SCYL3: variants seen among roughly 807,000 people sequenced by gnomAD.
SCYL3 encodes protein-associating with the carboxyl-terminal domain of ezrin.
In SCYL3, 35 loss-of-function variants were observed where a neutral mutation model predicts 73.8. The ratio of observed to expected loss-of-function variants is 0.47; its 90% CI spans 0.36 to 0.63. The LOEUF is 0.63. Ranked by LOEUF, SCYL3 falls within the 20% of genes least tolerant of loss-of-function variation. The pLI, the probability that SCYL3 is intolerant of heterozygous loss-of-function variation, is 0.00. For synonymous variants in SCYL3, 277 were observed against 295.2 expected, an observed-to-expected ratio of 0.94 and a Z score of 0.63; for missense variants, 712 against 798.9, an observed-to-expected ratio of 0.89 and a Z score of 1.31.
In SCYL3 at chr1:169,849,666, A is replaced by G; in HGVS notation, c.*4047T>C. On this transcript the variant is annotated 3_prime_UTR_variant, in exon 13 of 13. Transcript: ENST00000367771. ...ACCATTTTAATATTTCAAATATTCC[A>G]GAACAATCCCAAAACATTTATTGAA... is the stretch of plus-strand genomic sequence containing the variant. 1 of 1,308,068 alleles carries G rather than the reference A, an allele frequency of 7.6e-7. No homozygotes were observed. Among genetic ancestry groups the G allele is most frequent in the Non-Finnish European group, 1.1e-6 (1 of 910,720 alleles). The allele number at this position is 1,308,068 out of a possible 1,614,324, so 81.0% of individuals were successfully genotyped here.
At position 169,888,672 on chromosome 1, in the gene SCYL3, G is replaced by C. The variant is rs754304601; in HGVS notation, c.165+4C>G. The C allele has an allele frequency of 6.2e-7, 1 of 1,611,860 alleles. No individual in the cohort carries two copies. The highest frequency in any genetic ancestry group is 8.5e-7 in the Non-Finnish European group (1 of 1,178,508). On this transcript the variant is annotated splice_donor_region_variant and intron_variant, in intron 2 of 12. Transcript: ENST00000367771. ...AACTATTAAGTCGTCACCTATTATG[G>C]TACCTTGGCAGCTTTATTAACCTTG... is the stretch of plus-strand genomic sequence containing the variant.
rs184181855 is a variant in SCYL3 at position 169,858,434 on chromosome 1, T to C, written c.1312+607A>G. On this transcript the variant is annotated intron_variant, in intron 11 of 12. Transcript: ENST00000367771. ...CATGTCCTCTGATAACAATGCCTTC[T>C]TCTGGAATACCTCCTGAAGGACCCC... Among the ~76,000 whole-genome samples, 75 of 152,338 alleles carry C rather than the reference T, an allele frequency of 4.9e-4. 1 individual carries two copies. In the East Asian group the frequency reaches 0.013, roughly 27 times the overall value.
At position 169,850,224 on chromosome 1, in the gene SCYL3, T is replaced by A; in HGVS notation, c.*3489A>T. 1 of 1,350,598 alleles carries A rather than the reference T, an allele frequency of 7.4e-7. No individual in the cohort carries two copies. The highest frequency in any genetic ancestry group is 1.1e-6 in the Non-Finnish European group (1 of 951,238). 83.7% of individuals were successfully genotyped at this position (1,350,598 alleles called of 1,614,324 possible). ...TCATCTATTTGTCTTTGCAAGTTGT[T>A]GAAATGTTAAAATTGGTCTTGTTCA... On this transcript the variant is annotated 3_prime_UTR_variant, in exon 13 of 13. Transcript: ENST00000367771.
chr1:169,892,923 C>T (rs12131357), intron 1 of SCYL3, among the ~76,000 whole-genome samples: 1 of 152,132 alleles, frequency 6.6e-6, no homozygotes, highest in Non-Finnish European at 1.5e-5. Flanking sequence ...GGCTTGCACT[C>T]TGAGTATTAA....
Position 169,855,984 on chromosome 1 carries a change from A to G in SCYL3, c.1313-1020T>C, listed in dbSNP as rs200690212. On this transcript the variant is annotated intron_variant, in intron 11 of 12. Coordinates refer to ENST00000367771, the MANE Select transcript of SCYL3 (RefSeq NM_020423.7). ...TGAAGGTAAATAAAAACTCCAAAAC[A>G]TGAAAGGGACAGTAAATTGCTTCTT... The G allele has an allele frequency of 1.1e-4, 172 of 1,604,152 alleles. 1 individual carries two copies. In the African/African-American group the frequency reaches 2.1e-3, roughly 20 times the overall value.
Position 169,853,608 on chromosome 1 carries a change from A to C in SCYL3, c.*105T>G. The stretch of plus-strand genomic sequence containing the variant: ...GATAATGAGCTCCTGGGATGGGAAA[A>C]GCAGGCCACTTTGGGGTTTTCTTGT... On this transcript the variant is annotated 3_prime_UTR_variant, in exon 13 of 13. Coordinates refer to ENST00000367771, the MANE Select transcript of SCYL3 (RefSeq NM_020423.7). 1 of 1,209,874 alleles carries C rather than the reference A, an allele frequency of 8.3e-7. No homozygotes were observed. The highest frequency in any genetic ancestry group is 1.2e-6 in the Non-Finnish European group (1 of 840,946). The allele number at this position is 1,209,874 out of a possible 1,614,324, so 74.9% of individuals were successfully genotyped here.
upstream of SCYL3, chr1:169,894,148 G>A (rs1662288090): frequency 6.6e-6 from 1 of 152,382 alleles, no homozygotes; most frequent in South Asian, 2.1e-4. Flanking sequence ...TAGATGTGTT[G>A]GTCGAATGCT....
intron 2 of SCYL3, among the ~76,000 whole-genome samples, chr1:169,881,387 T>C (rs958151847): frequency 1.1e-4 from 16 of 152,242 alleles, no homozygotes; most frequent in Admixed American, 3.3e-4. Flanking sequence ...ATCAATGTAA[T>C]TGGGATATCC....
At chr1:169,883,103 A>G (rs1207124599) in intron 2 of SCYL3, among the ~76,000 whole-genome samples, 1 of 152,034 alleles carries the variant, frequency 6.6e-6, no homozygotes, top group East Asian at 1.9e-4. Flanking sequence ...GAGACCACGA[A>G]CCCCACCAGA....
At chr1:169,883,126 C>A (rs555870657) in intron 2 of SCYL3, among the ~76,000 whole-genome samples, 2 of 151,906 alleles carry the variant, frequency 1.3e-5, no homozygotes, top group Non-Finnish European at 2.9e-5. Context: ...GAAGAAACTC[C>A]GAACATGAGA....
At position 169,850,284 on chromosome 1, in the gene SCYL3, T is replaced by C. The variant is rs372992913; in HGVS notation, c.*3429A>G. On this transcript the variant is annotated 3_prime_UTR_variant, in exon 13 of 13. Coordinates refer to ENST00000367771, the MANE Select transcript of SCYL3 (RefSeq NM_020423.7). ...TAATAGGGAACAAATCATGAAGAGATAGTTCCACAGTGTCTCAGTTCTGAA... is the reference window on the plus strand; with the variant it reads ...TAATAGGGAACAAATCATGAAGAGACAGTTCCACAGTGTCTCAGTTCTGAA... The C allele has an allele frequency of 3.1e-6, 5 of 1,611,308 alleles. No homozygotes were observed. The South Asian group carries it at 5.5e-5, about 18-fold the overall frequency.
intron 2 of SCYL3, among the ~76,000 whole-genome samples, 176 bp from the exon 3 acceptor site, chr1:169,878,995 G>C (rs543667728): frequency 4.6e-5 from 7 of 152,210 alleles, no homozygotes; most frequent in African/African-American, 1.7e-4. Context: ...TACTTGTTCT[G>C]ACATCATTCA....
In SCYL3 at chr1:169,854,534, G is replaced by C; in HGVS notation, c.1743C>G (p.Ile581Met). ...LVQRGDDADQ[I>M]EPPKVSSQER... ...CTTGTGATGACACTTTTGGCGGCTC[G>C]ATTTGGTCTGCGTCATCCCCCCTTT... The change falls in exon 12 of 13, where the codon ATC (isoleucine) becomes ATG (methionine). Residue 581 changes from isoleucine (I) to methionine (M), a missense_variant. Coordinates refer to ENST00000367771, the MANE Select transcript of SCYL3 (RefSeq NM_020423.7). 6.2e-7 allele frequency: 1 copy of C among 1,613,920 alleles called. No individual in the cohort carries two copies. The highest frequency in any genetic ancestry group is 8.5e-7 in the Non-Finnish European group (1 of 1,179,950).
rs150048192 is a variant in SCYL3 at position 169,870,330 on chromosome 1, A to G, written c.550T>C (p.Cys184Arg). The G allele has an allele frequency of 1.1e-4, 177 of 1,612,938 alleles. No homozygotes were observed. The African/African-American group carries it at 1.9e-3, about 17-fold the overall frequency. The change falls in exon 6 of 13, where the codon TGT (cysteine) becomes CGT (arginine). Residue 184 changes from cysteine to arginine, a missense_variant. Around this residue, in one of 2 missense-constraint regions of SCYL3, gnomAD observed 342 missense variants for 448.1 expected, o/e 0.76. Coordinates refer to ENST00000367771, the MANE Select transcript of SCYL3 (RefSeq NM_020423.7). ...MSPEFTTLPE[C>R]HGHARDAFSF... is the part of the protein sequence containing the mutation. ...AAGGCATCCCGGGCATGTCCATGAC[A>G]CTCTGGGAGAGTTGTGAATTCTGGA...
chr1:169,850,343 A>G lies in SCYL3; in HGVS notation c.*3370T>C. On this transcript the variant is annotated 3_prime_UTR_variant, in exon 13 of 13. Transcript: ENST00000367771. ...GAACAAAGTTGTATCCTTTCTGGAG[A>G]AGGTACTTTCTTTACATGGCTCATG... 6.2e-7 allele frequency: 1 copy of G among 1,600,768 alleles called. No homozygotes were observed. Among genetic ancestry groups the G allele is most frequent in the Non-Finnish European group, 8.6e-7 (1 of 1,168,664 alleles).
intron 2 of SCYL3, among the ~76,000 whole-genome samples, chr1:169,883,744 A>T (rs1257809417): frequency 1.5e-5 from 2 of 130,116 alleles, no homozygotes; most frequent in Admixed American, 1.7e-4. Context: ...TTTGAGACAG[A>T]GTCTCGCTAT....
rs560311851 is a variant in SCYL3 at position 169,849,965 on chromosome 1, A to G, written c.*3748T>C. 7 of 471,002 alleles carry G rather than the reference A, an allele frequency of 1.5e-5. No homozygotes were observed. The highest frequency in any genetic ancestry group is 3.7e-5 in the East Asian group (1 of 26,828). 29.2% of individuals were successfully genotyped at this position (471,002 alleles called of 1,614,324 possible). A position where few individuals can be genotyped will look rare whatever the true frequency, so the allele number is the denominator to read the frequency against. ...AGGCTGATGAACCTAAACCTGTAAG[A>G]TGGGTTGCTCCTTTACTCTTACTGC... On this transcript the variant is annotated 3_prime_UTR_variant, in exon 13 of 13. Coordinates refer to ENST00000367771, the MANE Select transcript of SCYL3 (RefSeq NM_020423.7).
rs1291168316 is a variant in SCYL3, at chr1:169,870,231, T to C, written c.625+24A>G. 5 of 1,455,018 alleles carry C rather than the reference T, an allele frequency of 3.4e-6. No homozygotes were observed. The South Asian group carries it at 4.6e-5, about 13-fold the overall frequency. 90.1% of individuals were successfully genotyped at this position (1,455,018 alleles called of 1,614,324 possible). A position where few individuals can be genotyped will look rare whatever the true frequency, so the allele number is the denominator to read the frequency against. On this transcript the variant is annotated intron_variant, in intron 6 of 12. Transcript: ENST00000367771. ...ATGATTTTCCTACTTATTCTATAGA[T>C]GCAGTAGTATAACTCCAACTCACCC... is the stretch of plus-strand genomic sequence containing the variant.
chr1:169,886,956 C>T (rs1408452446), intron 2 of SCYL3, among the ~76,000 whole-genome samples: 1 of 152,158 alleles, frequency 6.6e-6, no homozygotes, highest in African/African-American at 2.4e-5. Flanking sequence ...GTGTGACCAA[C>T]AACCCAAACT....
Sources: allele counts gnomAD v4.1 joint callset (sites outside exome capture counted in the v4.1 genomes callset), GRCh38; gene constraint gnomAD v4.1.1; regional missense constraint gnomAD v4.1.1; transcripts MANE v1.5; gene names NCBI Gene and HGNC (gene_info 2026-07-23, HGNC 2026-07-21).